The following EXOC6 variants were observed in gnomAD, a reference collection of about 807,000 sequenced individuals.
The protein encoded by EXOC6 is exocyst complex component 6.
A neutral mutation model predicts 112.5 loss-of-function variants in EXOC6; 60 were observed. The ratio of observed to expected loss-of-function variants is 0.53; its 90% CI spans 0.43 to 0.66. The LOEUF (loss-of-function observed/expected upper bound fraction) is 0.66. EXOC6 is among the 30% of genes least tolerant of loss of function. The pLI, the probability that EXOC6 is intolerant of heterozygous loss-of-function variation, is 0.00. For synonymous variants in EXOC6, 295 were observed against 308.0 expected (o/e 0.96, Z 0.44); for missense variants, 855 against 957.1 (o/e 0.89, Z 1.41).
intron 4 of EXOC6, 25 bp downstream of exon 4, chr10:92,895,045 A>G (rs1278294950): frequency 7.2e-7 from 1 of 1,382,336 alleles, no homozygotes. Context: ...TCTATAATAA[A>G]ACGTTTGGCT....
At chr10:93,057,863 T>C (rs1313726857) in intron 21 of EXOC6, among the ~76,000 whole-genome samples, 1 of 152,212 alleles carries the variant, frequency 6.6e-6, no homozygotes, top group African/African-American at 2.4e-5. Flanking sequence ...TTTTCTAATG[T>C]TATTTTCCTT....
chr10:92,965,337 A>G (rs1211413538), intron 17 of EXOC6, among the ~76,000 whole-genome samples: 1 of 152,314 alleles, frequency 6.6e-6, no homozygotes, highest in African/African-American at 2.4e-5. Flanking sequence ...CACAGATAGT[A>G]TATTTAATTC....
At chr10:92,858,022 T>TTCCCCCCC (rs1554882161) in intron 1 of EXOC6, among the ~76,000 whole-genome samples, 2 of 101,266 alleles carry the variant, frequency 2.0e-5, no homozygotes, top group Non-Finnish European at 4.0e-5. Context: ...GTTGACGGGT[T>TTCCCCCCC]CCCCCCCTCC....
intron 8 of EXOC6, among the ~76,000 whole-genome samples, chr10:92,921,178 C>A (rs1339746994): frequency 6.6e-6 from 1 of 151,072 alleles, no homozygotes; most frequent in East Asian, 1.9e-4. Context: ...TCTATTCCTC[C>A]ATTAGTACTG....
rs533625377 is a variant in EXOC6 at position 92,865,947 on chromosome 10, C to T, written c.101+17313C>T. Among the ~76,000 whole-genome samples the T allele has an allele frequency of 2.0e-5, 3 of 152,132 alleles. No homozygotes were observed. In the South Asian group the frequency reaches 6.3e-4, roughly 32 times the overall value. On this transcript the variant is annotated intron_variant, in intron 1 of 21. Transcript: ENST00000260762. ...AGTGGAAGTGGGTCATCATAAAAGT[C>T]TTCATCCTCATCATTTTCATGTTGA...
rs746431017 is a variant in EXOC6, at chr10:92,997,634, T to G, written c.2095+19T>G. The G allele has an allele frequency of 7.7e-6, 12 of 1,551,676 alleles. No individual in the cohort carries two copies. The highest frequency in any genetic ancestry group is 1.0e-5 in the Non-Finnish European group (12 of 1,143,128). The stretch of plus-strand genomic sequence containing the variant: ...TGTGAATGTAAGTACTATATTGGTT[T>G]ATTCTTATGTATTACTAGGAATCTA... On this transcript the variant is annotated intron_variant, in intron 19 of 21. Coordinates refer to ENST00000260762, the MANE Select transcript of EXOC6 (RefSeq NM_019053.6).
chr10:93,027,261 G>A (rs1845070292), intron 20 of EXOC6, among the ~76,000 whole-genome samples: 1 of 152,212 alleles, frequency 6.6e-6, no homozygotes, highest in Admixed American at 6.5e-5. Flanking sequence ...GAAGGTAGCT[G>A]AGGTTGGTTC....
At chr10:93,043,736 C>G (rs1590099775) in intron 20 of EXOC6, among the ~76,000 whole-genome samples, 1 of 152,226 alleles carries the variant, frequency 6.6e-6, no homozygotes, top group Non-Finnish European at 1.5e-5. Context: ...GCAAGCATCA[C>G]AGGACTTAGA....
At position 92,997,539 on chromosome 10, in the gene EXOC6, G is replaced by A. The variant is rs1399919326; in HGVS notation, c.2019G>A (p.Met673Ile). ...ATCTGTCAACATCCTTAATGCAGAT[G>A]CTACTGGACAGTGAGTTAAAACAAA... ...CQHLSTSLMQ[M>I]LLDSELKQIS... The change falls in exon 19 of 22, where the codon ATG becomes ATA. Residue 673 changes from methionine to isoleucine, a missense_variant. Met to Ile is a conservative substitution (Grantham distance 10). This residue lies in a region of EXOC6 where 450 missense variants were observed against 563.5 expected (regional missense o/e 0.80). Coordinates refer to ENST00000260762, the MANE Select transcript of EXOC6 (RefSeq NM_019053.6). The A allele has an allele frequency of 6.2e-7, 1 of 1,613,422 alleles. No homozygotes were observed. Among genetic ancestry groups the A allele is most frequent in the Non-Finnish European group, 8.5e-7 (1 of 1,179,638 alleles).
intron 20 of EXOC6, among the ~76,000 whole-genome samples, chr10:93,056,630 A>G (rs528722752): frequency 1.2e-5 from 1 of 83,998 alleles, no homozygotes; most frequent in Admixed American, 1.2e-4. Context: ...ATTTCTATAC[A>G]TCAGTACAAG....
At chr10:92,957,442 A>G (rs1375107251) in intron 17 of EXOC6, among the ~76,000 whole-genome samples, 1 of 152,152 alleles carries the variant, frequency 6.6e-6, no homozygotes, top group Non-Finnish European at 1.5e-5. Flanking sequence ...TGCTTTTCTC[A>G]AAATCTGCCT....
At chr10:92,996,413 C>T (rs368888994) in intron 18 of EXOC6, among the ~76,000 whole-genome samples, 15 of 152,072 alleles carry the variant, frequency 9.9e-5, no homozygotes, top group East Asian at 3.9e-4. Flanking sequence ...AAGGTCAGAT[C>T]GAGACCATCC....
At chr10:92,835,716 T>G (rs769922225) in intron 1 of EXOC6, among the ~76,000 whole-genome samples, 2 of 152,226 alleles carry the variant, frequency 1.3e-5, no homozygotes, top group Non-Finnish European at 2.9e-5. Context: ...TTATTTTGCA[T>G]TAAACATAGT....
intron 19 of EXOC6, among the ~76,000 whole-genome samples, chr10:93,004,346 C>G (rs979152293): frequency 6.6e-6 from 1 of 152,126 alleles, no homozygotes; most frequent in African/African-American, 2.4e-5. Flanking sequence ...ACTAAATTAA[C>G]AAAGTAACAA....
intron 9 of EXOC6, among the ~76,000 whole-genome samples, chr10:92,933,141 T>A (rs568803048): frequency 8.3e-4 from 127 of 152,226 alleles, no homozygotes; most frequent in African/African-American, 3.0e-3. Flanking sequence ...AAATGGTAAT[T>A]CTAAACCTAT....
chr10:92,917,038 A>C (rs913245346), intron 7 of EXOC6, among the ~76,000 whole-genome samples: 19 of 150,150 alleles, frequency 1.3e-4, no homozygotes, highest in Non-Finnish European at 2.2e-4. Context: ...ATCTTGGCTC[A>C]CTGCAACCTC....
chr10:93,000,185 CTA>C (rs1485958851), intron 19 of EXOC6, among the ~76,000 whole-genome samples: 1 of 152,156 alleles, frequency 6.6e-6, no homozygotes, highest in Non-Finnish European at 1.5e-5. Context: ...TTCAAAATAA[CTA>C]AACGATTAAA....
chr10:92,914,610 A>G (rs1481100552), intron 6 of EXOC6, among the ~76,000 whole-genome samples: 1 of 152,202 alleles, frequency 6.6e-6, no homozygotes, highest in Non-Finnish European at 1.5e-5. Flanking sequence ...GCACAGAGGG[A>G]AAGGGAATAC....
intron 20 of EXOC6, among the ~76,000 whole-genome samples, chr10:93,042,926 C>CAAT (rs1021701424): frequency 2.8e-5 from 4 of 143,682 alleles, no homozygotes; most frequent in Non-Finnish European, 3.1e-5. Flanking sequence ...AGATATTTTA[C>CAAT]TATTATTATT....
Sources: allele counts gnomAD v4.1 joint callset (sites outside exome capture counted in the v4.1 genomes callset), GRCh38; gene constraint gnomAD v4.1.1; regional missense constraint gnomAD v4.1.1; transcripts MANE v1.5; gene names NCBI Gene and HGNC (gene_info 2026-07-23, HGNC 2026-07-21).